The following NUP85 variants were observed in gnomAD, a reference collection of about 807,000 sequenced individuals.
NUP85 encodes the protein nucleoporin 85, also known as nuclear pore complex protein Nup85.
A neutral mutation model predicts 92.8 loss-of-function variants in NUP85; 23 were observed. The ratio of observed to expected loss-of-function variants is 0.25; its 90% CI spans 0.18 to 0.35. NUP85 has a LOEUF of 0.35. Among genes scored for constraint, NUP85 ranks in the 10% least tolerant of loss-of-function variants. NUP85 has a pLI of 1.00. For synonymous variants in NUP85, 314 were observed against 306.9 expected, an observed-to-expected ratio of 1.02 and a Z score of -0.24; for missense variants, 759 against 822.8, an observed-to-expected ratio of 0.92 and a Z score of 0.95.
chr17:75,231,154 C>T lies in NUP85; in HGVS notation c.1095-186C>T. 1 of 618,848 alleles carries T rather than the reference C, an allele frequency of 1.6e-6. No homozygotes were observed. The highest frequency in any genetic ancestry group is 2.9e-6 in the Non-Finnish European group (1 of 346,692). 38.3% of individuals were successfully genotyped at this position (618,848 alleles called of 1,614,324 possible). A position where few individuals can be genotyped will look rare whatever the true frequency, so the allele number is the denominator to read the frequency against. Reference sequence around the variant, plus strand: ...ATGTTGCCCAGGCTGGTCTTAAATTCCTGGACTCAGGTGATCTGCCTGCCT... The same window carrying T: ...ATGTTGCCCAGGCTGGTCTTAAATTTCTGGACTCAGGTGATCTGCCTGCCT... On this transcript the variant is annotated intron_variant, in intron 11 of 18. Coordinates refer to ENST00000245544, the MANE Select transcript of NUP85 (RefSeq NM_024844.5). The surrounding 1 kb of genome is among the most constrained non-coding windows in gnomAD (Gnocchi z 4.6).
chr17:75,212,128 T>C lies in NUP85; in HGVS notation c.361+66T>C, dbSNP rs1406490905. On this transcript the variant is annotated intron_variant, in intron 4 of 18. Coordinates refer to ENST00000245544, the MANE Select transcript of NUP85 (RefSeq NM_024844.5). Reference sequence around the variant, plus strand: ...TGTGTGTGGGTATTTTGAGTATTTATCTATGCATAAATACTGTGAGGTAAA... The same window carrying C: ...TGTGTGTGGGTATTTTGAGTATTTACCTATGCATAAATACTGTGAGGTAAA... 33 of 1,171,390 alleles carry C rather than the reference T, an allele frequency of 2.8e-5. 1 individual carries two copies. Among genetic ancestry groups the C allele is most frequent in the Non-Finnish European group, 4.0e-5 (32 of 806,850 alleles). 72.6% of individuals were successfully genotyped at this position (1,171,390 alleles called of 1,614,324 possible).
chr17:75,231,505 G>C lies in NUP85; in HGVS notation c.1179-68G>C. 6.2e-7 allele frequency: 1 copy of C among 1,609,940 alleles called. No homozygotes were observed. ...GTGTGAACTGAATGCCTGAAAGGGA[G>C]GTTGGGCTAAGGGGGCCCTGAACAG... On this transcript the variant is annotated intron_variant, in intron 12 of 18. Coordinates refer to ENST00000245544, the MANE Select transcript of NUP85 (RefSeq NM_024844.5). The surrounding 1 kb of genome is among the most constrained non-coding windows in gnomAD (Gnocchi z 4.6).
intron 5 of NUP85, among the ~76,000 whole-genome samples, chr17:75,214,584 C>T (rs1006091327): frequency 3.9e-5 from 6 of 152,166 alleles, no homozygotes; most frequent in Admixed American, 6.6e-5. Flanking sequence ...ATAGGCTGGG[C>T]GCAGTGGCTC....
At position 75,205,805 on chromosome 17, in the gene NUP85, C is replaced by T. The variant is rs745604633; in HGVS notation, c.33+11C>T. The T allele has an allele frequency of 6.2e-7, 1 of 1,614,014 alleles. No individual in the cohort carries two copies. Among genetic ancestry groups the T allele is most frequent in the Non-Finnish European group, 8.5e-7 (1 of 1,179,930 alleles). On this transcript the variant is annotated intron_variant, in intron 1 of 18. Coordinates refer to ENST00000245544, the MANE Select transcript of NUP85 (RefSeq NM_024844.5). ...GAGCCAACAGTCACTGTAAGGGTAC[C>T]CCGAACAGGCTTGCTCGTCCTTGCG...
chr17:75,207,431 G>A (rs1425601645), intron 1 of NUP85, among the ~76,000 whole-genome samples: 1 of 151,434 alleles, frequency 6.6e-6, no homozygotes, highest in Admixed American at 6.6e-5. Context: ...GTGATCTGCC[G>A]GCCTCAGTCT....
chr17:75,228,354 ACT>A, intron 11 of NUP85: 3 of 985,236 alleles, frequency 3.0e-6, no homozygotes, highest in Non-Finnish European at 2.4e-6. Flanking sequence ...GCCTCTCTCC[ACT>A]CTCACAAGCA....
chr17:75,216,324 G>A (rs899443789), intron 6 of NUP85: 4 of 153,644 alleles, frequency 2.6e-5, no homozygotes, highest in African/African-American at 9.7e-5. Context: ...GGAGTGCAAT[G>A]GCGTGATCTC....
intron 11 of NUP85, chr17:75,228,172 A>C: frequency 8.1e-6 from 8 of 985,218 alleles, no homozygotes; most frequent in Non-Finnish European, 9.6e-6. Context: ...TTAGGAATAA[A>C]ACAGATTTGA....
chr17:75,225,613 C>T (rs992226384), intron 9 of NUP85, 85 bp from the exon 10 acceptor site: 20 of 1,583,622 alleles, frequency 1.3e-5, no homozygotes, highest in African/African-American at 2.7e-5. Flanking sequence ...AGTTGAAATC[C>T]GGTGCCCTTA....
chr17:75,222,863 G>A (rs1003589589), intron 7 of NUP85, among the ~76,000 whole-genome samples: 22 of 151,608 alleles, frequency 1.5e-4, no homozygotes, highest in Admixed American at 2.6e-4. Flanking sequence ...GTGAAACCCC[G>A]TCTCTACTAA....
At chr17:75,213,406 T>C (rs1250208151) in intron 5 of NUP85, among the ~76,000 whole-genome samples, 4 of 151,712 alleles carry the variant, frequency 2.6e-5, no homozygotes, top group Non-Finnish European at 5.9e-5. Flanking sequence ...TTCTCCTGTC[T>C]CAGCCTCCCG....
In NUP85 at chr17:75,231,838, C is replaced by A; in HGVS notation, c.1255C>A (p.Leu419Met). The part of the protein sequence containing the change: ...GLFAHPSLWQ[L>M]GVDYFDYCPE... ...CTCGAACCTTTGCAGCCTGTGGCAG[C>A]TGGGGGTCGATTACTTTGATTACTG... Residue 419 changes from leucine (L) to methionine (M), a missense_variant, in exon 14 of 19, where the codon CTG becomes ATG. Physicochemically the swap from Leu to Met is conservative, Grantham distance 15. Coordinates refer to ENST00000245544, the MANE Select transcript of NUP85 (RefSeq NM_024844.5). The surrounding 1 kb of genome is among the most constrained non-coding windows in gnomAD (Gnocchi z 4.6). 1 of 1,613,948 alleles carries A rather than the reference C, an allele frequency of 6.2e-7. No individual in the cohort carries two copies. Among genetic ancestry groups the A allele is most frequent in the African/African-American group, 1.3e-5 (1 of 75,028 alleles).
Position 75,231,415 on chromosome 17 carries a change from C to T in NUP85, c.1170C>T (p.His390=), listed in dbSNP as rs532095899. 7 of 1,614,204 alleles carry T rather than the reference C, an allele frequency of 4.3e-6. No homozygotes were observed. The highest frequency in any genetic ancestry group is 5.9e-6 in the Non-Finnish European group (7 of 1,180,002). Residue 390 remains histidine, a synonymous_variant, in exon 12 of 19, where the codon CAC becomes CAT. Coordinates refer to ENST00000245544, the MANE Select transcript of NUP85 (RefSeq NM_024844.5). The surrounding 1 kb of genome is among the most constrained non-coding windows in gnomAD (Gnocchi z 4.6). Reference sequence around the variant, plus strand: ...ACCACTGCAAGCTCCTCCAGTCACACAACCTCTAGTAAGTGGCCGGGAGGC... The same window carrying T: ...ACCACTGCAAGCTCCTCCAGTCACATAACCTCTAGTAAGTGGCCGGGAGGC... ...LLDHCKLLQS[H]NLYFGSNMRE...
At chr17:75,220,185 C>T (rs1178268547) in intron 7 of NUP85, among the ~76,000 whole-genome samples, 2 of 151,956 alleles carry the variant, frequency 1.3e-5, no homozygotes, top group African/African-American at 2.4e-5. Context: ...AGTGCAGTGG[C>T]GCCATCTCAG....
At chr17:75,220,569 C>T (rs1196947476) in intron 7 of NUP85, among the ~76,000 whole-genome samples, 1 of 151,852 alleles carries the variant, frequency 6.6e-6, no homozygotes, top group Non-Finnish European at 1.5e-5. Context: ...TGTGTTACCA[C>T]CACCAGCTAA....
At chr17:75,213,454 A>G (rs2075333209) in intron 5 of NUP85, among the ~76,000 whole-genome samples, 1 of 151,044 alleles carries the variant, frequency 6.6e-6, no homozygotes, top group Non-Finnish European at 1.5e-5. Context: ...CACCAAGCCC[A>G]GCTACTTTTT....
At chr17:75,217,763 T>G (rs1274955508) in intron 6 of NUP85, among the ~76,000 whole-genome samples, 1 of 152,196 alleles carries the variant, frequency 6.6e-6, no homozygotes, top group Non-Finnish European at 1.5e-5. Context: ...TGCCTTAGCC[T>G]CCGAAAGTGC....
In NUP85 at chr17:75,234,748, C is replaced by T; in HGVS notation, c.1727C>T (p.Thr576Ile). The T allele has an allele frequency of 2.5e-6, 4 of 1,614,218 alleles. No individual in the cohort carries two copies. The highest frequency in any genetic ancestry group is 2.5e-6 in the Non-Finnish European group (3 of 1,180,038). ...SRIAPRSFWMTLLTDALPLLE... is the reference protein window; with the variant it reads ...SRIAPRSFWMILLTDALPLLE... ...ATTGCCCCTCGGTCTTTCTGGATGA[C>T]TCTGCTGACAGACGCCTTGCCCCTT... The change falls in exon 17 of 19, where the codon ACT becomes ATT. Residue 576 changes from threonine to isoleucine, a missense_variant. Physicochemically the swap from Thr to Ile is moderately conservative, Grantham distance 89. Transcript: ENST00000245544.
intron 17 of NUP85, 122 bp downstream of exon 17, chr17:75,234,910 CT>C: frequency 8.0e-7 from 1 of 1,246,140 alleles, no homozygotes; most frequent in Non-Finnish European, 1.2e-6. Flanking sequence ...GTGTATTCCC[CT>C]TAGCGCCCTC....
Sources: gnomAD v4.1 joint callset for allele counts (sites outside exome capture counted in the v4.1 genomes callset) on GRCh38, gnomAD v4.1.1 for gene constraint, Gnocchi (gnomAD v3.1) non-coding constraint, MANE v1.5 for transcripts, NCBI Gene and HGNC (gene_info 2026-07-23, HGNC 2026-07-21) for gene names.